The following INVS variants were observed in gnomAD, a reference collection of about 807,000 sequenced individuals.
INVS encodes the protein inversion of embryo turning homolog.
INVS carries 86 observed loss-of-function variants against 108.8 expected under a neutral mutation model. The ratio of observed to expected loss-of-function variants is 0.79; its 90% CI spans 0.66 to 0.95. The LOEUF (loss-of-function observed/expected upper bound fraction) is 0.95, where lower values mean the gene tolerates loss of function less well. Among genes scored for constraint, INVS ranks in the 40% least tolerant of loss-of-function variants. The probability of loss-of-function intolerance (pLI) is 0.00; values close to 1 mark genes in which losing one functional copy is unlikely to be tolerated. For missense variants in INVS, 1,169 were observed against 1,297.4 expected, an observed-to-expected ratio of 0.90 and a Z score of 1.52; for synonymous variants, 455 against 473.5, an observed-to-expected ratio of 0.96 and a Z score of 0.51.
chr9:100,199,442 C>T (rs550326598), intron 3 of INVS, among the ~76,000 whole-genome samples: 37 of 152,106 alleles, frequency 2.4e-4, no homozygotes, highest in South Asian at 2.1e-3. Flanking sequence ...TCTGTTATTG[C>T]TCCTTTCAAT....
chr9:100,264,773 T>G (rs746959229), intron 10 of INVS, 49 bp from the exon 11 acceptor site: 1 of 1,249,148 alleles, frequency 8.0e-7, no homozygotes, highest in Non-Finnish European at 1.2e-6. Flanking sequence ...TAACCACATA[T>G]CCAAAAATAC....
In INVS at chr9:100,126,550, G is replaced by A. The variant is rs375757276; in HGVS notation, c.273+1G>A. 2 of 1,614,160 alleles carry A rather than the reference G, an allele frequency of 1.2e-6. No homozygotes were observed. The highest frequency in any genetic ancestry group is 1.1e-5 in the South Asian group (1 of 91,082). On this transcript the variant is annotated splice_donor_variant, in intron 3 of 16. Coordinates refer to ENST00000262457, the MANE Select transcript of INVS (RefSeq NM_014425.5). LOFTEE classifies it high-confidence loss of function. ...AGCCCTCCATCTTGCAGCCCAGAAG[G>A]TGAGAAGTAAAATTTCCTTGAAGAG...
At chr9:100,110,357 A>G (rs1047855094) in intron 2 of INVS, among the ~76,000 whole-genome samples, 3 of 152,242 alleles carry the variant, frequency 2.0e-5, no homozygotes, top group Non-Finnish European at 1.5e-5. Context: ...AAGAAGTATC[A>G]GAACTGAGAT....
Position 100,099,283 on chromosome 9 carries a change from G to A in INVS, c.-158G>A, listed in dbSNP as rs992247628. On this transcript the variant is annotated 5_prime_UTR_variant, in exon 1 of 17. Transcript: ENST00000262457. ...CGAAAGCCTCGGGCGGCCTTTTGAG[G>A]GGCTCGGCTAGCTTCAGCGCCGTGG... 5.0e-5 allele frequency: 8 copies of A among 161,274 alleles called. No individual in the cohort carries two copies. The highest frequency in any genetic ancestry group is 1.9e-4 in the African/African-American group (8 of 41,574). The allele number at this position is 161,274 out of a possible 1,614,324, so 10.0% of individuals were successfully genotyped here.
chr9:100,114,761 TG>T, intron 2 of INVS, among the ~76,000 whole-genome samples: 1 of 152,200 alleles, frequency 6.6e-6, no homozygotes, highest in Non-Finnish European at 1.5e-5. Flanking sequence ...TGTTGTTGAG[TG>T]GATCAGTAGT....
At chr9:100,285,636 T>G (rs1013504178) in intron 13 of INVS, among the ~76,000 whole-genome samples, 2 of 152,208 alleles carry the variant, frequency 1.3e-5, no homozygotes, top group Non-Finnish European at 2.9e-5. Context: ...AGGCACGAGC[T>G]TCCAACGGCT....
intron 8 of INVS, among the ~76,000 whole-genome samples, chr9:100,248,894 A>T (rs1222275080): frequency 6.6e-6 from 1 of 151,970 alleles, no homozygotes; most frequent in Admixed American, 6.6e-5. Context: ...TAGAAAAAAA[A>T]AGTTAAAAAA....
chr9:100,285,016 C>G (rs1227982588), intron 13 of INVS, among the ~76,000 whole-genome samples: 2 of 152,150 alleles, frequency 1.3e-5, no homozygotes, highest in African/African-American at 4.8e-5. Context: ...TATTTCTGCT[C>G]TTCTGTTGTT....
chr9:100,299,680 A>ACACACACC (rs1833907388), intron 16 of INVS, among the ~76,000 whole-genome samples: 1 of 142,358 alleles, frequency 7.0e-6, no homozygotes, highest in Non-Finnish European at 1.5e-5. Flanking sequence ...ACACACACAC[A>ACACACACC]CCTGGGCCTA....
intron 3 of INVS, among the ~76,000 whole-genome samples, chr9:100,172,693 A>G (rs897612648): frequency 6.6e-6 from 1 of 152,204 alleles, no homozygotes; most frequent in Non-Finnish European, 1.5e-5. Context: ...TATTGTTAGC[A>G]CAAGATTTAA....
chr9:100,218,156 T>A (rs1831045558), intron 3 of INVS, among the ~76,000 whole-genome samples: 2 of 152,150 alleles, frequency 1.3e-5, no homozygotes, highest in Non-Finnish European at 2.9e-5. Context: ...TAGTTATCTT[T>A]CTAGGCCAAA....
chr9:100,146,357 G>A (rs1828614192), intron 3 of INVS, among the ~76,000 whole-genome samples: 1 of 152,176 alleles, frequency 6.6e-6, no homozygotes, highest in African/African-American at 2.4e-5. Flanking sequence ...GGATGAGCCA[G>A]GAGAAGGAAT....
intron 5 of INVS, 124 bp downstream of exon 5, chr9:100,229,951 C>T (rs1375286987): frequency 3.5e-5 from 30 of 845,642 alleles, no homozygotes; most frequent in Non-Finnish European, 3.8e-5. Flanking sequence ...ATACAACAGA[C>T]ATATGGACTC....
intron 4 of INVS, among the ~76,000 whole-genome samples, chr9:100,229,051 G>A (rs1280301197): frequency 6.6e-6 from 1 of 152,210 alleles, no homozygotes; most frequent in Non-Finnish European, 1.5e-5. Flanking sequence ...AGCAAAACCA[G>A]CATGAGTTTC....
chr9:100,295,517 T>G (rs1833765230), intron 14 of INVS, among the ~76,000 whole-genome samples: 1 of 152,100 alleles, frequency 6.6e-6, no homozygotes, highest in South Asian at 2.1e-4. Context: ...ATAGCAAACC[T>G]AAGCAGTGAG....
chr9:100,199,752 C>T (rs1318969894), intron 3 of INVS, among the ~76,000 whole-genome samples: 3 of 152,016 alleles, frequency 2.0e-5, no homozygotes, highest in African/African-American at 7.2e-5. Flanking sequence ...TCTTTTTTAG[C>T]TTTGGTTTTC....
intron 8 of INVS, among the ~76,000 whole-genome samples, chr9:100,249,978 G>A (rs1490207400): frequency 1.3e-5 from 2 of 151,798 alleles, no homozygotes; most frequent in East Asian, 2.0e-4. Flanking sequence ...GGTGGTACAC[G>A]CCTATAATCC....
intron 3 of INVS, among the ~76,000 whole-genome samples, chr9:100,219,240 C>T (rs553216363): frequency 3.9e-5 from 6 of 152,168 alleles, no homozygotes; most frequent in Admixed American, 1.3e-4. Flanking sequence ...CACAAGAAGG[C>T]TATTTACAAA....
At chr9:100,111,977 A>ACTTTCTTT (rs533301932) in intron 2 of INVS, among the ~76,000 whole-genome samples, 2 of 151,766 alleles carry the variant, frequency 1.3e-5, no homozygotes, top group African/African-American at 4.8e-5. Context: ...GGGGATATAT[A>ACTTTCTTT]CTTTCTTTCT....
Sources: allele counts gnomAD v4.1 joint callset (sites outside exome capture counted in the v4.1 genomes callset), GRCh38; gene constraint gnomAD v4.1.1; transcripts MANE v1.5; gene names NCBI Gene and HGNC (gene_info 2026-07-23, HGNC 2026-07-21).